TEAD4: variants seen among roughly 807,000 people sequenced by gnomAD.
The protein encoded by TEAD4 is transcriptional enhancer factor TEF-3.
In TEAD4, 36 loss-of-function variants were observed where a neutral mutation model predicts 52.4. The ratio of observed to expected loss-of-function variants is 0.69; its 90% CI spans 0.53 to 0.91. TEAD4 has a LOEUF of 0.91. Ranked by LOEUF, TEAD4 falls within the 40% of genes least tolerant of loss-of-function variation. TEAD4 has a pLI of 0.00. For synonymous variants in TEAD4, 220 were observed against 231.0 expected, an observed-to-expected ratio of 0.95 and a Z score of 0.43; for missense variants, 508 against 583.9, an observed-to-expected ratio of 0.87 and a Z score of 1.34.
chr12:3,036,835 C>G (rs1459486005), intron 10 of TEAD4, among the ~76,000 whole-genome samples: 1 of 152,114 alleles, frequency 6.6e-6, no homozygotes, highest in Non-Finnish European at 1.5e-5. Context: ...CCCCAAAGCA[C>G]CAAATTGTCT....
intron 2 of TEAD4, among the ~76,000 whole-genome samples, chr12:2,977,884 T>C (rs1374710054): frequency 1.3e-5 from 2 of 152,316 alleles, no homozygotes; most frequent in East Asian, 1.9e-4. Context: ...AGGGCCCTTT[T>C]TTGGCCTCCG....
intron 10 of TEAD4, among the ~76,000 whole-genome samples, chr12:3,027,992 C>G (rs2098273064): frequency 6.6e-6 from 1 of 152,182 alleles, no homozygotes; most frequent in South Asian, 2.1e-4. Flanking sequence ...AGCTGTCACT[C>G]CCCACTCCTA....
intron 2 of TEAD4, among the ~76,000 whole-genome samples, chr12:2,985,661 A>G (rs911774593): frequency 6.6e-6 from 1 of 151,358 alleles, no homozygotes; most frequent in Non-Finnish European, 1.5e-5. Context: ...GCGCACCATC[A>G]TGCCTGGCTA....
chr12:3,040,553 G>T lies in TEAD4; in HGVS notation c.*75G>T. 2.2e-6 allele frequency: 3 copies of T among 1,345,166 alleles called. No individual in the cohort carries two copies. The highest frequency in any genetic ancestry group is 1.9e-5 in the Admixed American group (1 of 52,800). The allele number at this position is 1,345,166 out of a possible 1,614,324, so 83.3% of individuals were successfully genotyped here. ...GGACGTGGGGAGGGGACCTGCAGGGGCAGCCCCCTGAAGTGCCAAGAGAGC... is the reference window on the plus strand; with the variant it reads ...GGACGTGGGGAGGGGACCTGCAGGGTCAGCCCCCTGAAGTGCCAAGAGAGC... On this transcript the variant is annotated 3_prime_UTR_variant, in exon 13 of 13. Transcript: ENST00000359864.
chr12:3,023,663 C>G (rs555013935), intron 10 of TEAD4, among the ~76,000 whole-genome samples: 1 of 151,426 alleles, frequency 6.6e-6, no homozygotes, highest in Admixed American at 6.6e-5. Flanking sequence ...TGGTGGCACA[C>G]GCCTGTAATC....
At chr12:3,033,221 C>T (rs541665030) in intron 10 of TEAD4, among the ~76,000 whole-genome samples, 113 of 152,302 alleles carry the variant, frequency 7.4e-4, no homozygotes, top group African/African-American at 2.4e-3. Context: ...TTACTGAGGG[C>T]GCTGTGGTGG....
intron 11 of TEAD4, among the ~76,000 whole-genome samples, chr12:3,039,714 GTCTCAC>G (rs2153958937): frequency 6.6e-6 from 1 of 152,294 alleles, no homozygotes; most frequent in Non-Finnish European, 1.5e-5. Context: ...TTGTGAGACA[GTCTCAC>G]TCTGTCGCCC....
At chr12:3,012,021 T>G in intron 4 of TEAD4, 149 bp from the exon 5 acceptor site, 1 of 739,282 alleles carries the variant, frequency 1.4e-6, no homozygotes, top group Non-Finnish European at 2.2e-6. Context: ...AAGGCAGGAC[T>G]GAGGGCCCAC....
chr12:3,010,108 G>A (rs1008365206), intron 3 of TEAD4, among the ~76,000 whole-genome samples: 1 of 152,182 alleles, frequency 6.6e-6, no homozygotes, highest in Non-Finnish European at 1.5e-5. Flanking sequence ...TCTCCGTATG[G>A]TTTAACACTA....
At chr12:3,001,634 G>A (rs186529019) in intron 3 of TEAD4, among the ~76,000 whole-genome samples, 4 of 152,026 alleles carry the variant, frequency 2.6e-5, no homozygotes, top group East Asian at 1.9e-4. Flanking sequence ...AAAATTAGCC[G>A]GGTGTGGTGG....
intron 3 of TEAD4, among the ~76,000 whole-genome samples, chr12:3,009,273 C>CA (rs1203546231): frequency 7.9e-5 from 12 of 152,050 alleles, no homozygotes; most frequent in African/African-American, 2.7e-4. Context: ...ACTTAAAATA[C>CA]AAAAAAATTA....
intron 10 of TEAD4, among the ~76,000 whole-genome samples, chr12:3,022,767 G>A (rs1199894647): frequency 3.3e-5 from 5 of 152,152 alleles, no homozygotes; most frequent in Admixed American, 6.5e-5. Context: ...TGAAGCCAGC[G>A]GTGAGGAAGG....
intron 2 of TEAD4, among the ~76,000 whole-genome samples, chr12:2,962,488 A>G (rs1283890073): frequency 6.6e-6 from 1 of 151,502 alleles, no homozygotes; most frequent in Non-Finnish European, 1.5e-5. Flanking sequence ...GGCGTGCGCC[A>G]CCGTGCCCCA....
At chr12:2,981,449 C>T (rs913398429) in intron 2 of TEAD4, among the ~76,000 whole-genome samples, 2 of 152,216 alleles carry the variant, frequency 1.3e-5, no homozygotes, top group African/African-American at 4.8e-5. Flanking sequence ...GCTCAGGGGC[C>T]TCTGGGAACT....
intron 2 of TEAD4, among the ~76,000 whole-genome samples, chr12:2,962,333 A>AATATATATATAAATATATAT (rs2098216376): frequency 2.6e-5 from 1 of 38,048 alleles, no homozygotes; most frequent in East Asian, 3.8e-4. Flanking sequence ...TATAAATATA[A>AATATATATATAAATATATAT]ATATATATAT....
chr12:2,973,617 C>T (rs1323328545), intron 2 of TEAD4, among the ~76,000 whole-genome samples: 1 of 152,130 alleles, frequency 6.6e-6, no homozygotes, highest in Non-Finnish European at 1.5e-5. Flanking sequence ...ACGGGGCCTT[C>T]CAAGAAGCTC....
At chr12:2,989,008 C>A (rs1310916564) in intron 2 of TEAD4, among the ~76,000 whole-genome samples, 1 of 152,124 alleles carries the variant, frequency 6.6e-6, no homozygotes, top group Non-Finnish European at 1.5e-5. Flanking sequence ...GTTCTGTGAG[C>A]TACTATGGCA....
At chr12:2,985,545 C>A (rs1390463162) in intron 2 of TEAD4, among the ~76,000 whole-genome samples, 1 of 138,362 alleles carries the variant, frequency 7.2e-6, no homozygotes, top group African/African-American at 2.7e-5. Context: ...TCATTCTGTC[C>A]CCCAGGCTGG....
At chr12:2,980,200 T>C (rs2098233011) in intron 2 of TEAD4, among the ~76,000 whole-genome samples, 1 of 152,164 alleles carries the variant, frequency 6.6e-6, no homozygotes, top group Non-Finnish European at 1.5e-5. Flanking sequence ...CCCGAGATTC[T>C]TTCCACACAA....
Sources: gnomAD v4.1 joint callset for allele counts (sites outside exome capture counted in the v4.1 genomes callset) on GRCh38, gnomAD v4.1.1 for gene constraint, MANE v1.5 for transcripts, NCBI Gene and HGNC (gene_info 2026-07-23, HGNC 2026-07-21) for gene names.